Variants in TNR observed in about 807,000 individuals in gnomAD.
TNR encodes the protein tenascin R, also known as tenascin-R.
Under a neutral mutation model 150.4 loss-of-function variants are expected in TNR, and 45 were observed. The observed-to-expected ratio is 0.30, with a 90% CI of 0.24 to 0.38. TNR has a LOEUF of 0.38. Among genes scored for constraint, TNR ranks in the 10% least tolerant of loss-of-function variants. The pLI is 1.00. For synonymous variants in TNR, 687 were observed against 678.4 expected, an observed-to-expected ratio of 1.01 and a Z score of -0.20; for missense variants, 1,544 against 1,759.1, an observed-to-expected ratio of 0.88 and a Z score of 2.19.
chr1:175,420,020 G>A (rs1039533215), intron 2 of TNR, among the ~76,000 whole-genome samples: 2 of 152,072 alleles, frequency 1.3e-5, no homozygotes, highest in South Asian at 2.1e-4. Flanking sequence ...TCAGGCCCTC[G>A]CTGCCTCCCT....
At chr1:175,691,746 A>G (rs141424133) in intron 1 of TNR, among the ~76,000 whole-genome samples, 1,563 of 152,266 alleles carry the variant, frequency 0.01, 17 homozygotes, top group South Asian at 0.019. Flanking sequence ...GGGAGTAATC[A>G]GATTTCTTAT....
intron 1 of TNR, among the ~76,000 whole-genome samples, chr1:175,681,897 G>C (rs1666045487): frequency 1.3e-5 from 2 of 152,128 alleles, no homozygotes; most frequent in South Asian, 4.1e-4. Context: ...GTGAAATGGG[G>C]GTCTGAAGGG....
At chr1:175,568,496 C>G (rs186488206) in intron 1 of TNR, among the ~76,000 whole-genome samples, 43 of 152,326 alleles carry the variant, frequency 2.8e-4, no homozygotes, top group Non-Finnish European at 2.5e-4. Context: ...TTGAAATGAT[C>G]TGTCTCCCTC....
At chr1:175,580,043 C>T (rs1468584943) in intron 1 of TNR, among the ~76,000 whole-genome samples, 2 of 152,098 alleles carry the variant, frequency 1.3e-5, no homozygotes, top group African/African-American at 2.4e-5. Flanking sequence ...CCTACAGAGT[C>T]GACCCCAAGA....
chr1:175,376,424 A>G (rs896194585), intron 9 of TNR, among the ~76,000 whole-genome samples: 1 of 152,150 alleles, frequency 6.6e-6, no homozygotes, highest in Non-Finnish European at 1.5e-5. Context: ...AGGTTTAGAA[A>G]GATTCAATCA....
intron 1 of TNR, among the ~76,000 whole-genome samples, chr1:175,734,694 G>A (rs2101956871): frequency 6.6e-6 from 1 of 152,328 alleles, no homozygotes; most frequent in African/African-American, 2.4e-5. Flanking sequence ...GCTTGGTTTT[G>A]GCAGTGCTTT....
intron 1 of TNR, among the ~76,000 whole-genome samples, chr1:175,579,165 TTTCCTTCC>T (rs60083467): frequency 0.016 from 2,117 of 134,464 alleles, 31 homozygotes; most frequent in East Asian, 0.078. Flanking sequence ...TCGTTCCTTC[TTTCCTTCC>T]TTCCTTCCTT....
chr1:175,439,086 A>T (rs938661078), intron 2 of TNR, among the ~76,000 whole-genome samples: 12 of 152,222 alleles, frequency 7.9e-5, no homozygotes, highest in Non-Finnish European at 1.8e-4. Context: ...AAGCCAAAAG[A>T]ACAAAGCTGG....
At chr1:175,476,126 G>C (rs1657536152) in intron 2 of TNR, among the ~76,000 whole-genome samples, 1 of 152,098 alleles carries the variant, frequency 6.6e-6, no homozygotes, top group Non-Finnish European at 1.5e-5. Context: ...TCTTGTTCTT[G>C]CTCCACTCCA....
intron 1 of TNR, among the ~76,000 whole-genome samples, chr1:175,633,965 G>A (rs760601754): frequency 6.6e-6 from 1 of 151,988 alleles, no homozygotes; most frequent in East Asian, 1.9e-4. Context: ...AGACTTCCCT[G>A]ACTTTGCTTT....
At chr1:175,527,555 C>T (rs1571563739) in intron 2 of TNR, among the ~76,000 whole-genome samples, 1 of 151,870 alleles carries the variant, frequency 6.6e-6, no homozygotes, top group East Asian at 2.0e-4. Context: ...TTGTTTTGTG[C>T]AATAAAAAAC....
chr1:175,535,462 G>T (rs1271749963), intron 1 of TNR, among the ~76,000 whole-genome samples: 3 of 151,672 alleles, frequency 2.0e-5, no homozygotes, highest in Admixed American at 2.0e-4. Context: ...TGTTGTTGTT[G>T]TTGTTGTTGT....
Position 175,501,892 on chromosome 1 carries a change from T to C in TNR, c.-64+26377A>G, listed in dbSNP as rs1658753327. Among the ~76,000 whole-genome samples the C allele has an allele frequency of 2.0e-5, 3 of 152,180 alleles. No individual in the cohort carries two copies. The South Asian group carries it at 6.2e-4, about 32-fold the overall frequency. Reference sequence around the variant, plus strand: ...AGTGGTGACCTGAGCACAGCCCCTGTCTTCAAAGCCAGTCTGGTGTGGGTA... The same window carrying C: ...AGTGGTGACCTGAGCACAGCCCCTGCCTTCAAAGCCAGTCTGGTGTGGGTA... On this transcript the variant is annotated intron_variant, in intron 2 of 22. Coordinates refer to ENST00000367674, the MANE Select transcript of TNR (RefSeq NM_003285.3).
intron 1 of TNR, among the ~76,000 whole-genome samples, chr1:175,737,771 C>T (rs970269516): frequency 1.3e-5 from 2 of 152,154 alleles, no homozygotes; most frequent in Non-Finnish European, 2.9e-5. Context: ...TTGGGGTGCC[C>T]TTGGCAGTGC....
At position 175,442,627 on chromosome 1, in the gene TNR, T is replaced by C. The variant is rs859465; in HGVS notation, c.-63-35850A>G. On this transcript the variant is annotated intron_variant, in intron 2 of 22. Coordinates refer to ENST00000367674, the MANE Select transcript of TNR (RefSeq NM_003285.3). ...CACACAGAGCAACCAGAGAGAAGAG[T>C]AGAATGTTTCCCCTGCATCTGCCCT... Among the ~76,000 whole-genome samples, 417 of 151,488 alleles carry C rather than the reference T, an allele frequency of 2.8e-3. 14 individuals are homozygous for C. The highest frequency in any genetic ancestry group is 9.5e-3 in the African/African-American group (391 of 40,946).
intron 2 of TNR, among the ~76,000 whole-genome samples, chr1:175,417,011 A>AAAAGAAAGAAAGAAAGAAAGAAGG (rs1654499164): frequency 2.2e-5 from 2 of 90,848 alleles, no homozygotes; most frequent in African/African-American, 9.2e-5. Context: ...CCATCTCAAA[A>AAAAGAAAGAAAGAAAGAAAGAAGG]AAAGAAAGAA....
In TNR at chr1:175,701,452, T is replaced by C. The variant is rs74129312; in HGVS notation, c.-165+41774A>G. On this transcript the variant is annotated intron_variant, in intron 1 of 22. Transcript: ENST00000367674. ...GGCAGGGCCATTGACAGGAAAGTCT[T>C]AGTCCAACAAGTCCTTGGCTCCTCA... Among the ~76,000 whole-genome samples the C allele has an allele frequency of 4.7e-3, 720 of 152,318 alleles. 3 individuals are homozygous for C. Among genetic ancestry groups the C allele is most frequent in the African/African-American group, 0.016 (685 of 41,572 alleles).
chr1:175,431,076 C>T (rs913724953), intron 2 of TNR, among the ~76,000 whole-genome samples: 7 of 152,190 alleles, frequency 4.6e-5, no homozygotes, highest in African/African-American at 9.6e-5. Flanking sequence ...GAATCTTTCA[C>T]GGCTCCACAC....
chr1:175,573,139 T>C (rs1661953414), intron 1 of TNR, among the ~76,000 whole-genome samples: 1 of 152,234 alleles, frequency 6.6e-6, no homozygotes, highest in Non-Finnish European at 1.5e-5. Context: ...CATAGAGGTA[T>C]TTCATACTCC....
Sources: allele counts gnomAD v4.1 joint callset (sites outside exome capture counted in the v4.1 genomes callset), GRCh38; gene constraint gnomAD v4.1.1; transcripts MANE v1.5; gene names NCBI Gene and HGNC (gene_info 2026-07-23, HGNC 2026-07-21).